Variants in NBPF19 observed in about 807,000 individuals in gnomAD.
The protein encoded by NBPF19 is NBPF member 19, also known as NBPF family member NBPF19.
Under a neutral mutation model 45.9 loss-of-function variants are expected in NBPF19, and 30 were observed. That is an observed-to-expected ratio of 0.65 (90% CI 0.49 to 0.89). The LOEUF (loss-of-function observed/expected upper bound fraction) is 0.89. Among genes scored for constraint, NBPF19 ranks in the 40% least tolerant of loss-of-function variants. NBPF19 has a pLI of 0.00. For synonymous variants in NBPF19, 183 were observed against 181.2 expected (o/e 1.01, Z -0.08); for missense variants, 495 against 471.8 (o/e 1.05, Z -0.46).
At chr1:149,478,783 C>A in intron 3 of NBPF19, 97 bp from the exon 4 acceptor site, 1 of 1,296,294 alleles carries the variant, frequency 7.7e-7, no homozygotes, top group Non-Finnish European at 1.1e-6. Context: ...GCTTGGAGGT[C>A]TCCTTGAGGA....
intron 93 of NBPF19, 46 bp from the exon 94 acceptor site, chr1:149,554,449 G>A: frequency 6.2e-7 from 1 of 1,605,184 alleles, no homozygotes; most frequent in Non-Finnish European, 8.5e-7. Context: ...GCTCTGTGGT[G>A]TCTGATTTTC....
intron 43 of NBPF19, among the ~76,000 whole-genome samples, chr1:149,514,693 CTGTGTG>C (rs1224656992): frequency 1.0e-4 from 9 of 89,752 alleles, no homozygotes; most frequent in East Asian, 7.4e-4. Flanking sequence ...CTCTCTCTCT[CTGTGTG>C]TGTGTGTGTG....
chr1:149,493,901 C>T (rs1226690120), intron 17 of NBPF19, among the ~76,000 whole-genome samples, 190 bp downstream of exon 17: 10 of 46,560 alleles, frequency 2.1e-4, no homozygotes, highest in African/African-American at 9.3e-4. Flanking sequence ...CATTTACTAA[C>T]TTACTATAGG....
In NBPF19 at chr1:149,555,945, G is replaced by A. The variant is rs2087240309; in HGVS notation, c.*1207G>A. 1 of 144,160 alleles carries A rather than the reference G, an allele frequency of 6.9e-6. No individual in the cohort carries two copies. The highest frequency in any genetic ancestry group is 7.0e-5 in the Admixed American group (1 of 14,324). The allele number at this position is 144,160 out of a possible 1,614,324, so 8.9% of individuals were successfully genotyped here. On this transcript the variant is annotated 3_prime_UTR_variant, in exon 94 of 94. Coordinates refer to ENST00000651566, the MANE Select transcript of NBPF19 (RefSeq NM_001351365.2). ...GGACTGGTTACTTGGTTAAGGAGGG[G>A]TCTAGGAGATCTGTCCCTTTTAGAG... is the stretch of plus-strand genomic sequence containing the variant.
At chr1:149,487,913 T>C (rs1409181128) in intron 9 of NBPF19, 100 bp from the exon 10 acceptor site, 3 of 741,962 alleles carry the variant, frequency 4.0e-6, no homozygotes, top group East Asian at 2.6e-5. Context: ...CTCTCCTTTT[T>C]CTTTTCAAAC....
intron 4 of NBPF19, among the ~76,000 whole-genome samples, chr1:149,479,629 G>A (rs1224481322): frequency 3.4e-5 from 5 of 147,996 alleles, no homozygotes; most frequent in African/African-American, 7.5e-5. Flanking sequence ...TTGATGTGGG[G>A]GCATTTGGTG....
intron 10 of NBPF19, among the ~76,000 whole-genome samples, chr1:149,488,471 T>A (rs1463837911): frequency 1.6e-5 from 2 of 127,974 alleles, no homozygotes; most frequent in Non-Finnish European, 3.3e-5. Context: ...CAACTCTGAT[T>A]TTGTCTCAAT....
At chr1:149,481,447 TC>T (rs2085177191) in intron 6 of NBPF19, among the ~76,000 whole-genome samples, 1 of 101,648 alleles carries the variant, frequency 9.8e-6, no homozygotes, top group African/African-American at 4.1e-5. Context: ...CAATGGCTGA[TC>T]CAATGTTTCT....
rs1209103355 is a variant in NBPF19, at chr1:149,477,230, T to A, written c.176-715T>A. On this transcript the variant is annotated intron_variant, in intron 2 of 93. Coordinates refer to ENST00000651566, the MANE Select transcript of NBPF19 (RefSeq NM_001351365.2). Reference sequence around the variant, plus strand: ...TGCTGCAATGAATTACATGAGGTATTTCCTGTCAATCTCCTTGAACATTAA... The same window carrying A: ...TGCTGCAATGAATTACATGAGGTATATCCTGTCAATCTCCTTGAACATTAA... Among the ~76,000 whole-genome samples, 6 of 150,976 alleles carry A rather than the reference T, an allele frequency of 4.0e-5. 1 individual carries two copies. The highest frequency in any genetic ancestry group is 1.2e-4 in the African/African-American group (5 of 41,078).
At chr1:149,486,601 G>A (rs1259255487) in intron 8 of NBPF19, among the ~76,000 whole-genome samples, 1 of 151,484 alleles carries the variant, frequency 6.6e-6, no homozygotes, top group South Asian at 2.1e-4. Flanking sequence ...CCCAGGAGTT[G>A]TCTGTCAGAT....
chr1:149,514,695 G>GTC (rs2086334309), intron 43 of NBPF19, among the ~76,000 whole-genome samples: 1 of 57,496 alleles, frequency 1.7e-5, no homozygotes, highest in Admixed American at 2.4e-4. Flanking sequence ...CTCTCTCTCT[G>GTC]TGTGTGTGTG....
Position 149,478,980 on chromosome 1 carries a change from C to A in NBPF19, c.379C>A (p.Leu127Ile), listed in dbSNP as rs1290460177. The A allele has an allele frequency of 1.2e-5, 19 of 1,586,712 alleles. 1 individual carries two copies. In the Admixed American group the frequency reaches 1.5e-4, roughly 13 times the overall value. ...RDASRSLNEH[L>I]QALLTPDEPD... Reference sequence around the variant, plus strand: ...TGCCTCCCGCTCATTGAATGAGCATCTCCAGGCCCTCCTCACTCCGGATGA... The same window carrying A: ...TGCCTCCCGCTCATTGAATGAGCATATCCAGGCCCTCCTCACTCCGGATGA... Residue 127 changes from leucine to isoleucine, a missense_variant, in exon 4 of 94, where the codon CTC (leucine) becomes ATC (isoleucine). By Grantham distance (5) the Leu-to-Ile change is conservative. This residue lies in a region of NBPF19 where 69 missense variants were observed against 87.8 expected (regional missense o/e 0.79). Coordinates refer to ENST00000651566, the MANE Select transcript of NBPF19 (RefSeq NM_001351365.2).
Position 149,554,773 on chromosome 1 carries a change from C to A in NBPF19, c.*35C>A. On this transcript the variant is annotated 3_prime_UTR_variant, in exon 94 of 94. Coordinates refer to ENST00000651566, the MANE Select transcript of NBPF19 (RefSeq NM_001351365.2). ...ACTAAGCCGAGAGATGTCATTCCTGCAGGCAGGACCTATAGGCACGTGAAG... is the reference window on the plus strand; with the variant it reads ...ACTAAGCCGAGAGATGTCATTCCTGAAGGCAGGACCTATAGGCACGTGAAG... 6.2e-7 allele frequency: 1 copy of A among 1,607,380 alleles called. No homozygotes were observed. Among genetic ancestry groups the A allele is most frequent in the Non-Finnish European group, 8.5e-7 (1 of 1,175,986 alleles).
rs1297801630 is a variant in NBPF19, at chr1:149,554,686, C to A, written c.11480C>A (p.Thr3827Lys). The change falls in exon 94 of 94, where the codon ACG (threonine) becomes AAG (lysine). Residue 3827 changes from threonine to lysine, a missense_variant. By Grantham distance (78) the Thr-to-Lys change is moderately conservative. This residue lies in a region of NBPF19 where 248 missense variants were observed against 95.4 expected (regional missense o/e 2.60). Coordinates refer to ENST00000651566, the MANE Select transcript of NBPF19 (RefSeq NM_001351365.2). ...TTGGACAATAGGTTTTTTACTTTGA[C>A]GGTGACAAGTCTCCATCTGGTGTTC... The part of the protein sequence containing the change: ...LYLDNRFFTL[T>K]VTSLHLVFQM... 1.2e-6 allele frequency: 2 copies of A among 1,608,250 alleles called. No homozygotes were observed. The highest frequency in any genetic ancestry group is 2.2e-5 in the East Asian group (1 of 44,854).
Position 149,554,602 on chromosome 1 carries a change from A to T in NBPF19, c.11396A>T (p.Gln3799Leu). 5 of 1,608,210 alleles carry T rather than the reference A, an allele frequency of 3.1e-6. 2 individuals carry two copies. The highest frequency in any genetic ancestry group is 1.1e-5 in the South Asian group (1 of 90,892). The change falls in exon 94 of 94, where the codon CAG (glutamine) becomes CTG (leucine). Residue 3799 changes from glutamine to leucine, a missense_variant. By Grantham distance (113) the Gln-to-Leu change is moderately radical (BLOSUM62 -2). Transcript: ENST00000651566. The part of the protein sequence containing the change: ...SMYFELPDSF[Q>L]HYRSVFYSFE... The stretch of plus-strand genomic sequence containing the variant: ...TACTTTGAACTACCTGACTCATTCC[A>T]GCACTACAGAAGTGTGTTTTACTCA...
rs1203664100 is a variant in NBPF19, at chr1:149,479,796, A to G, written c.494-346A>G. Reference sequence around the variant, plus strand: ...AGAGAAAGAATGAGGTTTGAAATGCAAACCGTGACAGGACACCAAGCCTGT... The same window carrying G: ...AGAGAAAGAATGAGGTTTGAAATGCGAACCGTGACAGGACACCAAGCCTGT... On this transcript the variant is annotated intron_variant, in intron 4 of 93. Coordinates refer to ENST00000651566, the MANE Select transcript of NBPF19 (RefSeq NM_001351365.2). 3.3e-5 allele frequency among the ~76,000 whole-genome samples: 5 copies of G among 151,086 alleles called. No individual in the cohort carries two copies. The East Asian group carries it at 5.8e-4, about 18-fold the overall frequency.
In NBPF19 at chr1:149,555,082, T is replaced by C. The variant is rs2087216010; in HGVS notation, c.*344T>C. The C allele has an allele frequency of 1.7e-5, 6 of 360,894 alleles. No individual in the cohort carries two copies. The highest frequency in any genetic ancestry group is 2.6e-5 in the Non-Finnish European group (5 of 192,890). 22.4% of individuals were successfully genotyped at this position (360,894 alleles called of 1,614,324 possible). A position where few individuals can be genotyped will look rare whatever the true frequency, so the allele number is the denominator to read the frequency against. The stretch of plus-strand genomic sequence containing the variant: ...AGCTTCTATACCTGCTCAAGGTCAG[T>C]GTCATCTTTGTGTTTAGCTCATCCA... On this transcript the variant is annotated 3_prime_UTR_variant, in exon 94 of 94. Transcript: ENST00000651566.
At chr1:149,479,272 G>T (rs2085026692) in intron 4 of NBPF19, among the ~76,000 whole-genome samples, 178 bp downstream of exon 4, 3 of 148,950 alleles carry the variant, frequency 2.0e-5, no homozygotes, top group Admixed American at 6.7e-5. Flanking sequence ...TGGGTTTGGA[G>T]GTCACAGTAT....
At position 149,554,565 on chromosome 1, in the gene NBPF19, A is replaced by G. The variant is rs1213170667; in HGVS notation, c.11359A>G (p.Thr3787Ala). The G allele has an allele frequency of 1.2e-6, 2 of 1,607,604 alleles. No homozygotes were observed. The highest frequency in any genetic ancestry group is 1.7e-6 in the Non-Finnish European group (2 of 1,176,606). ...GGACTCACTGGATGGATGTTATTCG[A>G]CTCCGTCAATGTACTTTGAACTACC... ...LQDSLDGCYS[T>A]PSMYFELPDS... The change falls in exon 94 of 94, where the codon ACT becomes GCT. Residue 3787 changes from threonine (T) to alanine (A), a missense_variant. By Grantham distance (58) the Thr-to-Ala change is moderately conservative (BLOSUM62 0). Coordinates refer to ENST00000651566, the MANE Select transcript of NBPF19 (RefSeq NM_001351365.2).
Sources: gnomAD v4.1 joint callset for allele counts (sites outside exome capture counted in the v4.1 genomes callset) on GRCh38, gnomAD v4.1.1 for gene constraint, gnomAD v4.1.1 regional missense constraint, MANE v1.5 for transcripts, NCBI Gene and HGNC (gene_info 2026-07-23, HGNC 2026-07-21) for gene names.